CFAP97D2: variants seen among roughly 807,000 people sequenced by gnomAD.
CFAP97D2 encodes the protein CFAP97 domain containing 2.
chr13:114,182,436 T>C (rs1436261867), intron 1 of CFAP97D2, among the ~76,000 whole-genome samples: 1 of 151,864 alleles, frequency 6.6e-6, no homozygotes, highest in Non-Finnish European at 1.5e-5. Flanking sequence ...TTCCTCTATC[T>C]CAACTGCAAG....
At position 114,207,490 on chromosome 13, in the gene CFAP97D2, A is replaced by T. The variant is rs1404391933; in HGVS notation, c.291-4422A>T. On this transcript the variant is annotated intron_variant, in intron 3 of 4. Transcript: ENST00000646158. This position sits in a 1 kb window ranked among gnomAD's most constrained non-coding sequence, Gnocchi z 4.9. ...ATCAGGCATTAGATTTTCATAAGGA[A>T]CACGCAGCTTAGATCTCTCGAACGT... Among the ~76,000 whole-genome samples the T allele has an allele frequency of 6.6e-6, 1 of 152,084 alleles. No individual in the cohort carries two copies. The highest frequency in any genetic ancestry group is 2.4e-5 in the African/African-American group (1 of 41,402).
chr13:114,200,535 G>A, intron 3 of CFAP97D2, 92 bp downstream of exon 3: 2 of 396,422 alleles, frequency 5.0e-6, no homozygotes, highest in Non-Finnish European at 8.9e-6. Context: ...CTGCCCGTGG[G>A]TGGGAGTCGA....
In CFAP97D2 at chr13:114,207,343, T is replaced by A. The variant is rs951900134; in HGVS notation, c.291-4569T>A. On this transcript the variant is annotated intron_variant, in intron 3 of 4. Transcript: ENST00000646158. The surrounding 1 kb of genome is among the most constrained non-coding windows in gnomAD (Gnocchi z 4.9). ...CGTTCTTGTGAAGCTTGATATTACATTGTAATATAGAATGAAGTAATTATA... is the reference window on the plus strand; with the variant it reads ...CGTTCTTGTGAAGCTTGATATTACAATGTAATATAGAATGAAGTAATTATA... Among the ~76,000 whole-genome samples, 2 of 152,076 alleles carry A rather than the reference T, an allele frequency of 1.3e-5. No individual in the cohort carries two copies. Among genetic ancestry groups the A allele is most frequent in the Admixed American group, 6.5e-5 (1 of 15,272 alleles).
intron 4 of CFAP97D2, among the ~76,000 whole-genome samples, chr13:114,214,720 G>A (rs998255128): frequency 3.3e-5 from 5 of 152,106 alleles, no homozygotes; most frequent in Non-Finnish European, 7.3e-5. Context: ...CTCAGTAGCT[G>A]GGGTTATAGG....
At chr13:114,183,850 TC>T (rs1308426276) in intron 1 of CFAP97D2, among the ~76,000 whole-genome samples, 1 of 152,190 alleles carries the variant, frequency 6.6e-6, no homozygotes, top group African/African-American at 2.4e-5. Context: ...ATAGCAACCT[TC>T]AAAACTGAAA....
intron 3 of CFAP97D2, among the ~76,000 whole-genome samples, chr13:114,209,584 G>A (rs917102472): frequency 2.0e-5 from 3 of 152,204 alleles, no homozygotes; most frequent in Non-Finnish European, 2.9e-5. Context: ...AGGAAGGAAG[G>A]TCTAGAGGAA....
chr13:114,213,632 A>G (rs1257329163), intron 4 of CFAP97D2, among the ~76,000 whole-genome samples: 1 of 132,386 alleles, frequency 7.6e-6, no homozygotes, highest in Non-Finnish European at 1.6e-5. Context: ...ACCCCTGGAC[A>G]AGCTCTAGGA....
chr13:114,196,371 G>C (rs778329102), intron 1 of CFAP97D2, 25 bp from the exon 2 acceptor site: 6 of 399,544 alleles, frequency 1.5e-5, no homozygotes, highest in Non-Finnish European at 2.2e-5. Context: ...CTGCGCCCAG[G>C]TAACGCTGCC....
intron 4 of CFAP97D2, among the ~76,000 whole-genome samples, chr13:114,212,866 A>G (rs1415803290): frequency 1.3e-5 from 2 of 152,200 alleles, no homozygotes; most frequent in Non-Finnish European, 2.9e-5. Flanking sequence ...TAAATAAAAT[A>G]AAAATTAAAA....
intron 1 of CFAP97D2, among the ~76,000 whole-genome samples, chr13:114,195,169 T>C (rs1266763771): frequency 1.3e-5 from 2 of 152,224 alleles, no homozygotes; most frequent in African/African-American, 4.8e-5. Context: ...ACAGGAGCCT[T>C]GGCATTGGCC....
At chr13:114,213,296 G>A (rs2080976526) in intron 4 of CFAP97D2, among the ~76,000 whole-genome samples, 3 of 141,922 alleles carry the variant, frequency 2.1e-5, no homozygotes, top group East Asian at 2.2e-4. Context: ...CAGAACCACA[G>A]ACCCCACCCC....
chr13:114,221,831 C>G (rs2081023745), intron 4 of CFAP97D2, among the ~76,000 whole-genome samples: 1 of 152,040 alleles, frequency 6.6e-6, no homozygotes, highest in Admixed American at 6.6e-5. Context: ...AAACAGTTAC[C>G]AAATCACCCA....
chr13:114,189,855 T>A lies in CFAP97D2; in HGVS notation c.91-6541T>A, dbSNP rs187548982. Among the ~76,000 whole-genome samples the A allele has an allele frequency of 3.7e-4, 57 of 152,148 alleles. No individual in the cohort carries two copies. Among genetic ancestry groups the A allele is most frequent in the Non-Finnish European group, 5.6e-4 (38 of 68,002 alleles). On this transcript the variant is annotated intron_variant, in intron 1 of 4. Coordinates refer to ENST00000646158, the Ensembl canonical transcript of CFAP97D2. The surrounding 1 kb of genome is among the most constrained non-coding windows in gnomAD (Gnocchi z 4.5). ...AACTTTCTCAACTTGATAAAGAATA[T>A]CTCCAGGCTGGGCATGGTGGCTCGC...
chr13:114,217,643 C>T (rs554884910), intron 4 of CFAP97D2, among the ~76,000 whole-genome samples: 100 of 152,156 alleles, frequency 6.6e-4, no homozygotes, highest in Middle Eastern at 3.4e-3. Flanking sequence ...ACTGGCAAAC[C>T]GAATCCAGCA....
Position 114,211,683 on chromosome 13 carries a change from C to A in CFAP97D2, c.291-229C>A, listed in dbSNP as rs753357466. On this transcript the variant is annotated intron_variant, in intron 3 of 4. Transcript: ENST00000646158. This position sits in a 1 kb window ranked among gnomAD's most constrained non-coding sequence, Gnocchi z 4.2. ...GCTCACCCTGAAAACGCCCCTCCCG[C>A]CGTGCAAAGCGAGCGCGCCGGGGCT... Among the ~76,000 whole-genome samples, 1 of 152,240 alleles carries A rather than the reference C, an allele frequency of 6.6e-6. No individual in the cohort carries two copies.
chr13:114,195,888 G>A (rs937449585), intron 1 of CFAP97D2, among the ~76,000 whole-genome samples: 10 of 147,720 alleles, frequency 6.8e-5, no homozygotes, highest in Non-Finnish European at 1.3e-4. Context: ...TGGCTAATGC[G>A]TTGAAACCCT....
chr13:114,189,911 G>A lies in CFAP97D2; in HGVS notation c.91-6485G>A, dbSNP rs2138754962. ...AATCAGAACACTTTGGGTGGCTGAAGAGGGAGGATCACTTGAGCCCAGGAG... is the reference window on the plus strand; with the variant it reads ...AATCAGAACACTTTGGGTGGCTGAAAAGGGAGGATCACTTGAGCCCAGGAG... On this transcript the variant is annotated intron_variant, in intron 1 of 4. Transcript: ENST00000646158. This position sits in a 1 kb window ranked among gnomAD's most constrained non-coding sequence, Gnocchi z 4.5. Among the ~76,000 whole-genome samples, 1 of 152,304 alleles carries A rather than the reference G, an allele frequency of 6.6e-6. No individual in the cohort carries two copies. The highest frequency in any genetic ancestry group is 2.1e-4 in the South Asian group (1 of 4,820).
chr13:114,219,593 A>G (rs558650421), intron 4 of CFAP97D2, among the ~76,000 whole-genome samples: 4 of 152,258 alleles, frequency 2.6e-5, no homozygotes, highest in Non-Finnish European at 5.9e-5. Flanking sequence ...GCAGCCACAG[A>G]CCAGTCACTG....
rs772289421 is a variant in CFAP97D2 at position 114,221,379 on chromosome 13, G to A, written c.481-1119G>A. Among the ~76,000 whole-genome samples the A allele has an allele frequency of 5.9e-5, 9 of 152,328 alleles. No individual in the cohort carries two copies. In the East Asian group the frequency reaches 1.7e-3, roughly 29 times the overall value. ...CAACATGGCTCAGTTTACTGATTCC[G>A]GGAAAAGTACTTTGCTGCATTTCAG... On this transcript the variant is annotated intron_variant, in intron 4 of 4. Coordinates refer to ENST00000646158, the Ensembl canonical transcript of CFAP97D2.
Sources: allele counts gnomAD v4.1 joint callset (sites outside exome capture counted in the v4.1 genomes callset), GRCh38; gene constraint gnomAD v4.1.1; non-coding constraint Gnocchi (gnomAD v3.1); transcripts MANE v1.5; gene names NCBI Gene and HGNC (gene_info 2026-07-23, HGNC 2026-07-21).